The following NR2C1 variants were observed in gnomAD, a reference collection of about 807,000 sequenced individuals.
NR2C1 encodes TR2 nuclear hormone receptor.
Under a neutral mutation model 74.8 loss-of-function variants are expected in NR2C1, and 33 were observed. The ratio of observed to expected loss-of-function variants is 0.44; its 90% CI spans 0.33 to 0.59. The LOEUF (loss-of-function observed/expected upper bound fraction) is 0.59, where lower values mean the gene tolerates loss of function less well. NR2C1 is among the 20% of genes least tolerant of loss of function. The pLI, the probability that NR2C1 is intolerant of heterozygous loss-of-function variation, is 0.02. For synonymous variants in NR2C1, 225 were observed against 240.6 expected, an observed-to-expected ratio of 0.94 and a Z score of 0.60; for missense variants, 568 against 715.6, an observed-to-expected ratio of 0.79 and a Z score of 2.35.
chr12:95,066,354 T>A (rs1245531379), intron 2 of NR2C1, among the ~76,000 whole-genome samples: 1 of 152,122 alleles, frequency 6.6e-6, no homozygotes, highest in Non-Finnish European at 1.5e-5. Flanking sequence ...ATATAAAACA[T>A]CAGCCAGGCA....
intron 11 of NR2C1, among the ~76,000 whole-genome samples, chr12:95,029,509 A>C (rs999532632): frequency 2.6e-5 from 4 of 151,686 alleles, no homozygotes; most frequent in Non-Finnish European, 5.9e-5. Context: ...TTGTTAAAAA[A>C]AACAACAAAC....
At chr12:95,060,463 G>GACCTT (rs1874624435) in intron 3 of NR2C1, among the ~76,000 whole-genome samples, 1 of 152,234 alleles carries the variant, frequency 6.6e-6, no homozygotes, top group Admixed American at 6.5e-5. Flanking sequence ...AGACCAGCCT[G>GACCTT]GCCTACGTGG....
chr12:95,023,128 C>T (rs1868958428), intron 13 of NR2C1, among the ~76,000 whole-genome samples: 1 of 151,482 alleles, frequency 6.6e-6, no homozygotes, highest in Non-Finnish European at 1.5e-5. Flanking sequence ...CTCATCTCTA[C>T]TAAAAAAAAT....
intron 2 of NR2C1, among the ~76,000 whole-genome samples, chr12:95,065,221 T>A (rs1207482218): frequency 6.6e-6 from 1 of 152,094 alleles, no homozygotes; most frequent in Non-Finnish European, 1.5e-5. Flanking sequence ...TTACTCTTGT[T>A]GCCCAGGCTG....
In NR2C1 at chr12:95,066,688, G is replaced by A. The variant is rs533263514; in HGVS notation, c.54+643C>T. Among the ~76,000 whole-genome samples, 10 of 152,190 alleles carry A rather than the reference G, an allele frequency of 6.6e-5. No homozygotes were observed. In the South Asian group the frequency reaches 8.3e-4, roughly 13 times the overall value. The stretch of plus-strand genomic sequence containing the variant: ...TTGTAACATTATACACTGGTCATCC[G>A]GAAAGCAATGATTCATTGAGTTATG... On this transcript the variant is annotated intron_variant, in intron 2 of 13. Coordinates refer to ENST00000333003, the MANE Select transcript of NR2C1 (RefSeq NM_003297.4).
chr12:95,030,462 C>A, intron 11 of NR2C1: 1 of 1,463,092 alleles, frequency 6.8e-7, no homozygotes, highest in South Asian at 1.6e-5. Flanking sequence ...GTTTAAAACC[C>A]ATCCATTAGT....
intron 9 of NR2C1, among the ~76,000 whole-genome samples, chr12:95,041,295 G>A (rs775313720): frequency 6.6e-6 from 1 of 152,020 alleles, no homozygotes; most frequent in Non-Finnish European, 1.5e-5. Context: ...AGACCATCCC[G>A]GTCAACATGG....
At chr12:95,034,953 T>TA (rs34233750) in intron 10 of NR2C1, among the ~76,000 whole-genome samples, 1 of 152,048 alleles carries the variant, frequency 6.6e-6, no homozygotes, top group Non-Finnish European at 1.5e-5. Flanking sequence ...ATGACCATAC[T>TA]AAAAAAAGTG....
chr12:95,041,409 G>T (rs1281154682), intron 9 of NR2C1, among the ~76,000 whole-genome samples: 1 of 152,126 alleles, frequency 6.6e-6, no homozygotes, highest in Non-Finnish European at 1.5e-5. Context: ...TTGAACCTGG[G>T]AAGTGGAGGT....
chr12:95,057,772 T>C lies in NR2C1; in HGVS notation c.651A>G (p.Leu217=). The C allele has an allele frequency of 1.9e-6, 3 of 1,614,162 alleles. No individual in the cohort carries two copies. The highest frequency in any genetic ancestry group is 2.5e-6 in the Non-Finnish European group (3 of 1,180,010). The part of the protein sequence containing the change: ...IYIRKDLRSP[L]TATPTFVTDS... The stretch of plus-strand genomic sequence containing the variant: ...CTGTTACAAAAGTTGGAGTTGCAGT[T>C]AATGGGCTACGAAGGTCCTTTCGGA... Residue 217 remains leucine (L), a synonymous_variant, in exon 6 of 14, where the codon TTA becomes TTG. Coordinates refer to ENST00000333003, the MANE Select transcript of NR2C1 (RefSeq NM_003297.4).
chr12:95,062,175 G>T (rs1375045004), intron 3 of NR2C1, among the ~76,000 whole-genome samples: 1 of 152,168 alleles, frequency 6.6e-6, no homozygotes, highest in African/African-American at 2.4e-5. Flanking sequence ...TGCTCCAATA[G>T]TCGATCTTGA....
chr12:95,060,675 C>T (rs1431594119), intron 3 of NR2C1, among the ~76,000 whole-genome samples: 1 of 152,104 alleles, frequency 6.6e-6, no homozygotes, highest in Non-Finnish European at 1.5e-5. Context: ...CAAAACAAAA[C>T]AAAAAACAGC....
chr12:95,030,964 A>C, intron 11 of NR2C1: 1 of 1,026,056 alleles, frequency 9.7e-7, no homozygotes, highest in South Asian at 1.4e-5. Flanking sequence ...TTGATACAAA[A>C]TCAACCTATC....
At chr12:95,052,814 A>G (rs1236058653) in intron 7 of NR2C1, among the ~76,000 whole-genome samples, 1 of 152,120 alleles carries the variant, frequency 6.6e-6, no homozygotes, top group Non-Finnish European at 1.5e-5. Flanking sequence ...GAATTGTTGA[A>G]CAGACTTCCT....
chr12:95,058,844 G>A (rs1226788976), intron 4 of NR2C1, among the ~76,000 whole-genome samples: 3 of 151,910 alleles, frequency 2.0e-5, no homozygotes, highest in African/African-American at 2.4e-5. Flanking sequence ...GCCCAGGCTG[G>A]TCTTGAACTC....
intron 7 of NR2C1, among the ~76,000 whole-genome samples, chr12:95,056,807 A>C (rs561229078): frequency 5.9e-5 from 9 of 151,944 alleles, no homozygotes; most frequent in Admixed American, 4.6e-4. Flanking sequence ...AAATACAAAA[A>C]AATTAGCTGG....
chr12:95,041,460 C>T (rs1489831745), intron 9 of NR2C1, among the ~76,000 whole-genome samples: 1 of 151,898 alleles, frequency 6.6e-6, no homozygotes, highest in Non-Finnish European at 1.5e-5. Context: ...CCAGCCTGGG[C>T]AACAGAGTGA....
At chr12:95,025,319 T>A (rs935986714) in intron 12 of NR2C1, 64 bp from the exon 13 acceptor site, 1 of 838,936 alleles carries the variant, frequency 1.2e-6, no homozygotes, top group African/African-American at 1.8e-5. Context: ...AGAGTGGATA[T>A]GAAAAGAGAC....
At chr12:95,039,383 T>A (rs188608836) in intron 10 of NR2C1, among the ~76,000 whole-genome samples, 26 of 152,326 alleles carry the variant, frequency 1.7e-4, no homozygotes, top group African/African-American at 6.0e-4. Flanking sequence ...AGAACAGGTA[T>A]ACAGGATGTG....
Sources: gnomAD v4.1 joint callset for allele counts (sites outside exome capture counted in the v4.1 genomes callset) on GRCh38, gnomAD v4.1.1 for gene constraint, MANE v1.5 for transcripts, NCBI Gene and HGNC (gene_info 2026-07-23, HGNC 2026-07-21) for gene names.